Variants in CFAP44 observed in about 807,000 individuals in gnomAD.
CFAP44 encodes the protein cilia and flagella associated protein 44, also known as cilia- and flagella-associated protein 44.
CFAP44 carries 134 observed loss-of-function variants against 216.2 expected under a neutral mutation model. The ratio of observed to expected loss-of-function variants is 0.62; its 90% CI spans 0.54 to 0.72. CFAP44 has a LOEUF of 0.72. CFAP44 is among the 30% of genes least tolerant of loss of function. CFAP44 has a pLI of 0.00. For synonymous variants in CFAP44, 700 were observed against 727.6 expected (o/e 0.96, Z 0.61); for missense variants, 2,035 against 2,182.1 (o/e 0.93, Z 1.34).
intron 28 of CFAP44, among the ~76,000 whole-genome samples, chr3:113,312,294 A>C (rs1950047578): frequency 6.9e-6 from 1 of 145,684 alleles, no homozygotes; most frequent in Non-Finnish European, 1.5e-5. Flanking sequence ...CGTGTTAGCC[A>C]GGATGGTCTC....
chr3:113,368,085 C>A (rs2107319906), intron 18 of CFAP44, among the ~76,000 whole-genome samples: 1 of 152,234 alleles, frequency 6.6e-6, no homozygotes, highest in South Asian at 2.1e-4. Flanking sequence ...AAATATGGGA[C>A]TATGTGAAAA....
At chr3:113,406,338 A>G (rs1220421134) in intron 8 of CFAP44, among the ~76,000 whole-genome samples, 1 of 152,228 alleles carries the variant, frequency 6.6e-6, no homozygotes, top group African/African-American at 2.4e-5. Flanking sequence ...AGTAAGTAAC[A>G]TAAATACTGC....
At chr3:113,416,914 A>T (rs1414405066) in intron 5 of CFAP44, among the ~76,000 whole-genome samples, 1 of 152,206 alleles carries the variant, frequency 6.6e-6, no homozygotes, top group Non-Finnish European at 1.5e-5. Flanking sequence ...TTCAATGTGC[A>T]TCAGAATCCA....
At position 113,315,719 on chromosome 3, in the gene CFAP44, T is replaced by TC. The variant is rs576596232; in HGVS notation, c.4517-7452dup. Among the ~76,000 whole-genome samples, 13 of 152,328 alleles carry TC rather than the reference T, an allele frequency of 8.5e-5. No individual in the cohort carries two copies. The East Asian group carries it at 2.1e-3, about 25-fold the overall frequency. On this transcript the variant is annotated intron_variant, in intron 28 of 34. Coordinates refer to ENST00000393845, the MANE Select transcript of CFAP44 (RefSeq NM_001164496.2). ...ATATGCATTTGGTAGAAACCAGACT[T>TC]CAAGTACTCATACAGCCATTCTGTT... is the stretch of plus-strand genomic sequence containing the variant.
intron 2 of CFAP44, among the ~76,000 whole-genome samples, chr3:113,429,873 G>A (rs936551242): frequency 6.6e-6 from 1 of 152,068 alleles, no homozygotes; most frequent in African/African-American, 2.4e-5. Flanking sequence ...CTACTTAAGA[G>A]TTACCATTTA....
chr3:113,354,100 AT>A (rs1351802312), intron 22 of CFAP44, among the ~76,000 whole-genome samples: 6 of 150,128 alleles, frequency 4.0e-5, no homozygotes, highest in Admixed American at 6.6e-5. Context: ...AAAAAAAAAA[AT>A]CTTTTTCCAT....
At chr3:113,361,655 C>T (rs890811942) in intron 21 of CFAP44, among the ~76,000 whole-genome samples, 39 of 151,648 alleles carry the variant, frequency 2.6e-4, no homozygotes, top group African/African-American at 9.2e-4. Context: ...ACCACCACAC[C>T]TGGCTAATTT....
rs150920790 is a variant in CFAP44 at position 113,417,003 on chromosome 3, G to T, written c.571-376C>A. Among the ~76,000 whole-genome samples the T allele has an allele frequency of 1.1e-3, 173 of 152,264 alleles. 1 individual carries two copies. The highest frequency in any genetic ancestry group is 3.2e-3 in the African/African-American group (131 of 41,566). On this transcript the variant is annotated intron_variant, in intron 5 of 34. Coordinates refer to ENST00000393845, the MANE Select transcript of CFAP44 (RefSeq NM_001164496.2). ...CTTAATCTGTCAGGCTGGGACTCAA[G>T]AATTTGCATTTACATGTCTAATAAG...
intron 24 of CFAP44, among the ~76,000 whole-genome samples, chr3:113,338,255 CAAAAAAAAAAA>C (rs10574877): frequency 6.3e-4 from 27 of 43,020 alleles, no homozygotes; most frequent in South Asian, 1.6e-3. Flanking sequence ...GACAATGTCT[CAAAAAAAAAAA>C]AAAAAAAAAA....
rs1004725418 is a variant in CFAP44 at position 113,373,699 on chromosome 3, G to C, written c.2299-143C>G. 13 of 671,012 alleles carry C rather than the reference G, an allele frequency of 1.9e-5. No homozygotes were observed. The African/African-American group carries it at 2.2e-4, about 12-fold the overall frequency. 41.6% of individuals were successfully genotyped at this position (671,012 alleles called of 1,614,324 possible). On this transcript the variant is annotated intron_variant, in intron 17 of 34. Transcript: ENST00000393845. ...CTTCTACATAATTTCTATGATTATA[G>C]ATTTATTATTTCTATAAAGCATCTC...
chr3:113,390,844 G>C (rs1487692750), intron 15 of CFAP44, among the ~76,000 whole-genome samples: 1 of 151,836 alleles, frequency 6.6e-6, no homozygotes, highest in African/African-American at 2.4e-5. Flanking sequence ...AGAAATTGAA[G>C]AGGAACAAAA....
Position 113,441,120 on chromosome 3 carries a change from C to A in CFAP44, c.-6+333G>T, listed in dbSNP as rs550214905. 8.5e-5 allele frequency among the ~76,000 whole-genome samples: 13 copies of A among 152,190 alleles called. No homozygotes were observed. The South Asian group carries it at 2.7e-3, about 32-fold the overall frequency. On this transcript the variant is annotated intron_variant, in intron 1 of 34. Transcript: ENST00000393845. ...GCGTCGCACCCAGCTGAGCGCAGGG[C>A]AGGTGTCTCACTGGAGCGGGGAGCC...
chr3:113,350,253 A>G (rs1950430323), intron 22 of CFAP44, among the ~76,000 whole-genome samples: 1 of 152,002 alleles, frequency 6.6e-6, no homozygotes, highest in Admixed American at 6.6e-5. Flanking sequence ...AAAGAAAGAG[A>G]AGGAAAGAGA....
rs530518833 is a variant in CFAP44 at position 113,365,107 on chromosome 3, A to C, written c.2715+932T>G. 4.2e-4 allele frequency among the ~76,000 whole-genome samples: 64 copies of C among 152,272 alleles called. 1 individual carries two copies. In the Middle Eastern group the frequency reaches 0.01, roughly 24 times the overall value. On this transcript the variant is annotated intron_variant, in intron 19 of 34. Coordinates refer to ENST00000393845, the MANE Select transcript of CFAP44 (RefSeq NM_001164496.2). ...AAAGGACATGATTATTGAAATGTGGAATAAACATTTTTCTATCCAATATGG... is the reference window on the plus strand; with the variant it reads ...AAAGGACATGATTATTGAAATGTGGCATAAACATTTTTCTATCCAATATGG...
chr3:113,294,481 C>G, intron 34 of CFAP44: 3 of 562,834 alleles, frequency 5.3e-6, no homozygotes, highest in East Asian at 6.4e-5. Flanking sequence ...TCATGGCACC[C>G]AAGAGGCGTT....
chr3:113,413,075 A>C (rs1396189354), intron 6 of CFAP44, among the ~76,000 whole-genome samples: 1 of 152,102 alleles, frequency 6.6e-6, no homozygotes, highest in African/African-American at 2.4e-5. Context: ...TCTGACTGGC[A>C]TGAGATGGTA....
intron 1 of CFAP44, among the ~76,000 whole-genome samples, chr3:113,440,840 CCTT>C (rs1935344211): frequency 6.6e-6 from 1 of 152,138 alleles, no homozygotes; most frequent in South Asian, 2.1e-4. Context: ...GCCTCCTTAG[CCTT>C]CTCCTCTCAA....
At chr3:113,320,224 G>GTCTC (rs111963316) in intron 28 of CFAP44, among the ~76,000 whole-genome samples, 1,656 of 141,428 alleles carry the variant, frequency 0.012, 15 homozygotes, top group African/African-American at 0.025. Flanking sequence ...AGGTATATTA[G>GTCTC]TCTCTCTCTC....
chr3:113,378,523 T>C (rs1399130069), intron 17 of CFAP44, among the ~76,000 whole-genome samples: 1 of 152,204 alleles, frequency 6.6e-6, no homozygotes, highest in Non-Finnish European at 1.5e-5. Flanking sequence ...GTCAGTGTCC[T>C]GGCCTGGCTA....
Sources: gnomAD v4.1 joint callset for allele counts (sites outside exome capture counted in the v4.1 genomes callset) on GRCh38, gnomAD v4.1.1 for gene constraint, MANE v1.5 for transcripts, NCBI Gene and HGNC (gene_info 2026-07-23, HGNC 2026-07-21) for gene names.